The following CACNA1B variants were observed in gnomAD, a reference collection of about 807,000 sequenced individuals.
CACNA1B encodes the protein calcium voltage-gated channel subunit alpha1 B, also known as voltage-dependent N-type calcium channel subunit alpha-1B.
Under a neutral mutation model 247.2 loss-of-function variants are expected in CACNA1B, and 70 were observed. The ratio of observed to expected loss-of-function variants is 0.28; its 90% CI spans 0.23 to 0.35. The LOEUF (loss-of-function observed/expected upper bound fraction) is 0.35. CACNA1B is among the 10% of genes least tolerant of loss of function. The pLI is 1.00. For missense variants in CACNA1B, 2,367 were observed against 3,197.4 expected (o/e 0.74, Z 6.26); for synonymous variants, 1,231 against 1,294.4 (o/e 0.95, Z 1.05).
intron 36 of CACNA1B, among the ~76,000 whole-genome samples, chr9:138,082,965 T>G (rs1382184029): frequency 6.7e-6 from 1 of 150,208 alleles, no homozygotes; most frequent in Non-Finnish European, 1.5e-5. Flanking sequence ...AGCTGGGACC[T>G]AGGAGAGCTT....
intron 36 of CACNA1B, among the ~76,000 whole-genome samples, chr9:138,086,644 C>T (rs1960701840): frequency 6.6e-6 from 1 of 151,306 alleles, no homozygotes; most frequent in African/African-American, 2.4e-5. Flanking sequence ...AACAGTAGAG[C>T]ACCCAGACAT....
Position 138,023,287 on chromosome 9 carries a change from G to A in CACNA1B, c.2544G>A (p.Pro848=), listed in dbSNP as rs200029127. The stretch of plus-strand genomic sequence containing the variant: ...AGGCCCCCGAGGGCGTCGACCCTCC[G>A]CGCAGGCACCACCGGCACCGCGACA... The part of the protein sequence containing the change: ...AAEAPEGVDP[P]RRHHRHRDKD... Residue 848 remains proline (P), a synonymous_variant, in exon 19 of 47, where the codon CCG becomes CCA. Coordinates refer to ENST00000371372, the MANE Select transcript of CACNA1B (RefSeq NM_000718.4). The A allele has an allele frequency of 5.5e-5, 84 of 1,516,214 alleles. No homozygotes were observed. In the African/African-American group the frequency reaches 1.1e-3, roughly 20 times the overall value. 93.9% of individuals were successfully genotyped at this position (1,516,214 alleles called of 1,614,324 possible).
intron 21 of CACNA1B, 25 bp from the exon 22 acceptor site, chr9:138,046,879 T>G: frequency 6.2e-7 from 1 of 1,609,448 alleles, no homozygotes. Flanking sequence ...GGGGGCCTTG[T>G]GGTGATCCGT....
At chr9:137,878,956 G>A (rs1956877387) in intron 1 of CACNA1B, 98 bp from the exon 2 acceptor site, 1 of 723,716 alleles carries the variant, frequency 1.4e-6, no homozygotes, top group Non-Finnish European at 2.4e-6. Flanking sequence ...AGCCCCTCCG[G>A]AGACGGCCTA....
At position 138,025,169 on chromosome 9, in the gene CACNA1B, C is replaced by T. The variant is rs573115292; in HGVS notation, c.3283C>T (p.Pro1095Ser). ...CCCTCTTGGGGAAGCCACGGTCGTTCCCAGTGAGTATCTCCCTGTGCCAGT... is the reference window on the plus strand; with the variant it reads ...CCCTCTTGGGGAAGCCACGGTCGTTTCCAGTGAGTATCTCCCTGTGCCAGT... The part of the protein sequence containing the change: ...TGPLGEATVV[P>S]SGNVDLESQA... The change falls in exon 20 of 47, where the codon CCC (proline) becomes TCC (serine). Residue 1095 changes from proline to serine, a missense_variant. This residue lies in a region of CACNA1B where 631 missense variants were observed against 631.1 expected (regional missense o/e 1.00). Transcript: ENST00000371372. 1.2e-6 allele frequency: 2 copies of T among 1,602,668 alleles called. No homozygotes were observed. Among genetic ancestry groups the T allele is most frequent in the Non-Finnish European group, 8.5e-7 (1 of 1,172,862 alleles).
At chr9:137,947,474 A>G (rs1049555854) in intron 6 of CACNA1B, among the ~76,000 whole-genome samples, 1 of 152,234 alleles carries the variant, frequency 6.6e-6, no homozygotes, top group East Asian at 1.9e-4. Context: ...TCTGTCAAAC[A>G]TAATTTAAAA....
At chr9:137,947,100 C>T (rs928745088) in intron 6 of CACNA1B, among the ~76,000 whole-genome samples, 1 of 152,110 alleles carries the variant, frequency 6.6e-6, no homozygotes, top group Non-Finnish European at 1.5e-5. Flanking sequence ...CCATTGGTTA[C>T]TTGGTTACAC....
intron 15 of CACNA1B, among the ~76,000 whole-genome samples, chr9:137,989,435 G>T (rs932540191): frequency 6.6e-6 from 1 of 152,148 alleles, no homozygotes; most frequent in Non-Finnish European, 1.5e-5. Context: ...GAAAGAGAGG[G>T]TGGCCAGTGC....
intron 21 of CACNA1B, among the ~76,000 whole-genome samples, chr9:138,045,891 G>A (rs929987124): frequency 6.6e-6 from 1 of 152,182 alleles, no homozygotes; most frequent in African/African-American, 2.4e-5. Context: ...ATGGCCCTTG[G>A]GGGTTCGCAG....
intron 31 of CACNA1B, among the ~76,000 whole-genome samples, chr9:138,068,045 G>T (rs1423175874): frequency 6.6e-6 from 1 of 152,198 alleles, no homozygotes. Flanking sequence ...CCTTTCCAGT[G>T]ACATCAGCAC....
intron 3 of CACNA1B, among the ~76,000 whole-genome samples, chr9:137,896,747 C>T (rs1313326395): frequency 6.6e-6 from 1 of 152,174 alleles, no homozygotes; most frequent in African/African-American, 2.4e-5. Context: ...ATCCAACTGG[C>T]CCTGGAGATT....
At chr9:137,929,359 G>T (rs1957584844) in intron 6 of CACNA1B, among the ~76,000 whole-genome samples, 1 of 151,624 alleles carries the variant, frequency 6.6e-6, no homozygotes, top group Admixed American at 6.6e-5. Flanking sequence ...TTTGAGACCA[G>T]CCTGGGCACC....
intron 3 of CACNA1B, among the ~76,000 whole-genome samples, chr9:137,901,753 G>A (rs751419687): frequency 6.9e-6 from 1 of 145,266 alleles, no homozygotes; most frequent in Non-Finnish European, 1.5e-5. Flanking sequence ...GCAGTGGTGC[G>A]ATCTCAGCTC....
chr9:138,089,589 A>G (rs1289057610), intron 36 of CACNA1B, among the ~76,000 whole-genome samples: 1 of 152,202 alleles, frequency 6.6e-6, no homozygotes, highest in Non-Finnish European at 1.5e-5. Flanking sequence ...CTACAACAAG[A>G]AAGGATACCC....
At chr9:138,069,245 A>G (rs1960036679) in intron 31 of CACNA1B, among the ~76,000 whole-genome samples, 1 of 152,170 alleles carries the variant, frequency 6.6e-6, no homozygotes, top group African/African-American at 2.4e-5. Context: ...TTTCTTAGGC[A>G]AAAATATGAG....
intron 6 of CACNA1B, among the ~76,000 whole-genome samples, chr9:137,932,958 A>C (rs1326011258): frequency 1.3e-5 from 2 of 151,722 alleles, no homozygotes; most frequent in East Asian, 3.9e-4. Context: ...TTTGAGATGG[A>C]GTCTCTCTCT....
At chr9:137,994,695 C>A (rs1440722745) in intron 15 of CACNA1B, among the ~76,000 whole-genome samples, 1 of 152,180 alleles carries the variant, frequency 6.6e-6, no homozygotes, top group African/African-American at 2.4e-5. Context: ...CAAAACACTG[C>A]TGAAAGAAAT....
chr9:137,964,059 A>G (rs1166231656), intron 10 of CACNA1B, among the ~76,000 whole-genome samples: 2 of 152,200 alleles, frequency 1.3e-5, no homozygotes, highest in African/African-American at 4.8e-5. Context: ...TGAGAGGTCC[A>G]CTGCTAGTCT....
In CACNA1B at chr9:138,010,128, G is replaced by A. The variant is rs1958705839; in HGVS notation, c.2160+51G>A. ...TGTCAGCCCATGTCACTTGAATGTG[G>A]CCGCAGCCAGGAAGAGTCTGGGTCC... is the stretch of plus-strand genomic sequence containing the variant. On this transcript the variant is annotated intron_variant, in intron 17 of 46. Transcript: ENST00000371372. The surrounding 1 kb of genome is among the most constrained non-coding windows in gnomAD (Gnocchi z 5.3). The A allele has an allele frequency of 6.8e-7, 1 of 1,460,276 alleles. No individual in the cohort carries two copies. The highest frequency in any genetic ancestry group is 9.6e-7 in the Non-Finnish European group (1 of 1,040,374). 90.5% of individuals were successfully genotyped at this position (1,460,276 alleles called of 1,614,324 possible).
Sources: gnomAD v4.1 joint callset for allele counts (sites outside exome capture counted in the v4.1 genomes callset) on GRCh38, gnomAD v4.1.1 for gene constraint, gnomAD v4.1.1 regional missense constraint, Gnocchi (gnomAD v3.1) non-coding constraint, MANE v1.5 for transcripts, NCBI Gene and HGNC (gene_info 2026-07-23, HGNC 2026-07-21) for gene names.